Variants in ANKS3 observed in about 807,000 individuals in gnomAD.
ANKS3 encodes the protein ankyrin repeat and SAM domain-containing protein 3.
Under a neutral mutation model 80.7 loss-of-function variants are expected in ANKS3, and 62 were observed. The ratio of observed to expected loss-of-function variants is 0.77; its 90% CI spans 0.63 to 0.95. The LOEUF (loss-of-function observed/expected upper bound fraction) is 0.95. ANKS3 is among the 40% of genes least tolerant of loss of function. The pLI, the probability that ANKS3 is intolerant of heterozygous loss-of-function variation, is 0.00. For missense variants in ANKS3, 1,150 were observed against 883.6 expected, an observed-to-expected ratio of 1.30 and a Z score of -3.82; for synonymous variants, 489 against 355.3, an observed-to-expected ratio of 1.38 and a Z score of -4.23.
intron 7 of ANKS3, among the ~76,000 whole-genome samples, chr16:4,710,065 A>G (rs1446805625): frequency 6.6e-6 from 1 of 152,188 alleles, no homozygotes. Flanking sequence ...TCACCCATTT[A>G]CAGGATTTTT....
rs2079569269 is a variant in ANKS3 at position 4,696,671 on chromosome 16, G to A, written c.*237C>T. 5.5e-6 allele frequency: 2 copies of A among 360,798 alleles called. No homozygotes were observed. The highest frequency in any genetic ancestry group is 1.2e-4 in the East Asian group (2 of 16,444). The allele number at this position is 360,798 out of a possible 1,614,324, so 22.3% of individuals were successfully genotyped here. A position where few individuals can be genotyped will look rare whatever the true frequency, so the allele number is the denominator to read the frequency against. On this transcript the variant is annotated 3_prime_UTR_variant, in exon 18 of 18. Coordinates refer to ENST00000304283, the MANE Select transcript of ANKS3 (RefSeq NM_133450.4). ...GGCCAGGGCAGCCCATGAACTCTGG[G>A]CCTCACCACGAGGTTCTGGGTGAGG... is the stretch of plus-strand genomic sequence containing the variant.
intron 5 of ANKS3, chr16:4,725,066 G>A: frequency 2.7e-6 from 1 of 369,132 alleles, no homozygotes; most frequent in Non-Finnish European, 4.9e-6. Context: ...ACAGATGTCT[G>A]CCTGTCGTCC....
intron 4 of ANKS3, 39 bp from the exon 5 acceptor site, chr16:4,726,819 C>T: frequency 6.2e-7 from 1 of 1,605,170 alleles, no homozygotes; most frequent in Non-Finnish European, 8.5e-7. Context: ...GGCCTCATCT[C>T]CTCTGCGTGG....
At chr16:4,707,833 G>A (rs946060156) in intron 7 of ANKS3, among the ~76,000 whole-genome samples, 10 of 152,184 alleles carry the variant, frequency 6.6e-5, no homozygotes, top group African/African-American at 1.9e-4. Context: ...GATCAGGGCC[G>A]GGCGCGGTGG....
intron 2 of ANKS3, chr16:4,730,391 C>T (rs1440113845): frequency 1.1e-5 from 4 of 371,422 alleles, no homozygotes; most frequent in Non-Finnish European, 1.9e-5. Flanking sequence ...TATGGTGAGG[C>T]ATTAACTGTG....
At chr16:4,730,562 G>C (rs1038778748) in intron 2 of ANKS3, among the ~76,000 whole-genome samples, 3 of 152,068 alleles carry the variant, frequency 2.0e-5, no homozygotes, top group African/African-American at 7.2e-5. Context: ...CCTGGATTTG[G>C]GGTTTGATCA....
At position 4,726,835 on chromosome 16, in the gene ANKS3, G is replaced by GCGCCCTCCAGGCGGC. The variant is rs2081378875; in HGVS notation, c.370-70_370-56dup. ...GCCTCATCTCCTCTGCGTGGGGCGG[G>GCGCCCTCCAGGCGGC]CGCCCTCCAGGCGGCCATGCTGCAA... On this transcript the variant is annotated intron_variant, in intron 4 of 17. Transcript: ENST00000304283. The GCGCCCTCCAGGCGGC allele has an allele frequency of 1.9e-6, 3 of 1,600,164 alleles. No homozygotes were observed. In the East Asian group the frequency reaches 6.7e-5, roughly 36 times the overall value.
chr16:4,726,837 G>C, intron 4 of ANKS3, 57 bp from the exon 5 acceptor site: 1 of 1,599,166 alleles, frequency 6.3e-7, no homozygotes, highest in South Asian at 1.1e-5. Flanking sequence ...TGGGGCGGGC[G>C]CCCTCCAGGC....
In ANKS3 at chr16:4,724,843, G is replaced by A. The variant is rs1469469572; in HGVS notation, c.492-12C>T. The A allele has an allele frequency of 3.1e-6, 5 of 1,613,330 alleles. No individual in the cohort carries two copies. Among genetic ancestry groups the A allele is most frequent in the Non-Finnish European group, 4.2e-6 (5 of 1,179,594 alleles). On this transcript the variant is annotated splice_polypyrimidine_tract_variant and intron_variant, in intron 5 of 17. Coordinates refer to ENST00000304283, the MANE Select transcript of ANKS3 (RefSeq NM_133450.4). ...CACATATCGGCTCCCTGCAAGATGT[G>A]GGCCACAGTCAGATGATTGGAAGAG...
intron 5 of ANKS3, 89 bp downstream of exon 5, chr16:4,726,570 A>T: frequency 6.8e-7 from 1 of 1,462,658 alleles, no homozygotes; most frequent in Non-Finnish European, 9.4e-7. Context: ...GGTGGCCCTA[A>T]ACTCTGGTTA....
chr16:4,698,410 A>G lies in ANKS3; in HGVS notation c.1724+17T>C, dbSNP rs911257251. 66 of 1,487,524 alleles carry G rather than the reference A, an allele frequency of 4.4e-5. No homozygotes were observed. The highest frequency in any genetic ancestry group is 5.7e-5 in the Non-Finnish European group (64 of 1,122,758). The allele number at this position is 1,487,524 out of a possible 1,614,324, so 92.1% of individuals were successfully genotyped here. A position where few individuals can be genotyped will look rare whatever the true frequency, so the allele number is the denominator to read the frequency against. On this transcript the variant is annotated intron_variant, in intron 14 of 17. Coordinates refer to ENST00000304283, the MANE Select transcript of ANKS3 (RefSeq NM_133450.4). ...GACCACTGGAGACCCAGCCCAGGGC[A>G]GCTCAGAGCCACTCACCGCAGCTGG...
chr16:4,699,396 T>C, intron 11 of ANKS3: 4 of 593,950 alleles, frequency 6.7e-6, no homozygotes, highest in Non-Finnish European at 1.2e-5. Context: ...GGGGACAATG[T>C]ATGTTCATCA....
chr16:4,726,870 G>C (rs2081380464), intron 4 of ANKS3, 90 bp from the exon 5 acceptor site: 2 of 1,598,042 alleles, frequency 1.3e-6, no homozygotes, highest in Non-Finnish European at 1.7e-6. Context: ...AGAATCAGAA[G>C]TGATTACACG....
At position 4,698,111 on chromosome 16, in the gene ANKS3, G is replaced by A. The variant is rs556627981; in HGVS notation, c.1725-49C>T. 465 of 1,536,342 alleles carry A rather than the reference G, an allele frequency of 3.0e-4. 7 individuals carry two copies. The South Asian group carries it at 4.9e-3, about 16-fold the overall frequency. ...TGGTGAGAGCAGAGGCCTGGCCGCT[G>A]CAGAGCCCCCACCTCAGACCTTCTA... On this transcript the variant is annotated intron_variant, in intron 14 of 17. Coordinates refer to ENST00000304283, the MANE Select transcript of ANKS3 (RefSeq NM_133450.4).
chr16:4,726,883 C>T (rs947403763), intron 4 of ANKS3, 96 bp downstream of exon 4: 2 of 1,598,564 alleles, frequency 1.3e-6, no homozygotes, highest in Admixed American at 3.4e-5. Flanking sequence ...ATTACACGAG[C>T]ACACACGAAC....
intron 5 of ANKS3, 99 bp downstream of exon 5, chr16:4,726,560 G>T: frequency 7.5e-7 from 1 of 1,327,242 alleles, no homozygotes; most frequent in Non-Finnish European, 1.1e-6. Context: ...GCCGAAGCAG[G>T]GTGGCCCTAA....
chr16:4,731,357 G>A (rs1008512681), intron 2 of ANKS3, among the ~76,000 whole-genome samples, 155 bp downstream of exon 2: 1 of 152,176 alleles, frequency 6.6e-6, no homozygotes, highest in African/African-American at 2.4e-5. Context: ...TCAGCTCACT[G>A]GAACCTCTGC....
chr16:4,716,392 C>G (rs1259639693), intron 6 of ANKS3, among the ~76,000 whole-genome samples: 1 of 150,938 alleles, frequency 6.6e-6, no homozygotes, highest in Non-Finnish European at 1.5e-5. Context: ...AATCACAACC[C>G]TTAAGGAGTT....
intron 6 of ANKS3, among the ~76,000 whole-genome samples, chr16:4,715,533 C>T (rs1416671254): frequency 2.6e-5 from 4 of 152,132 alleles, no homozygotes; most frequent in African/African-American, 9.7e-5. Context: ...GAGCTTGACG[C>T]TGCAGCGAGC....
Sources: gnomAD v4.1 joint callset for allele counts (sites outside exome capture counted in the v4.1 genomes callset) on GRCh38, gnomAD v4.1.1 for gene constraint, MANE v1.5 for transcripts, NCBI Gene and HGNC (gene_info 2026-07-23, HGNC 2026-07-21) for gene names.